The following OSGEP variants were observed in gnomAD, a reference collection of about 807,000 sequenced individuals.
OSGEP encodes O-sialoglycoprotein endopeptidase, also known as tRNA N6-adenosine threonylcarbamoyltransferase.
In OSGEP, 39 loss-of-function variants were observed where a neutral mutation model predicts 44.1. That is an observed-to-expected ratio of 0.88 (90% CI 0.69 to 1.16). The LOEUF is 1.16. Among genes scored for constraint, OSGEP ranks in the 50% most tolerant of loss-of-function variants. The pLI, the probability that OSGEP is intolerant of heterozygous loss-of-function variation, is 0.00. For missense variants in OSGEP, 403 were observed against 443.1 expected, an observed-to-expected ratio of 0.91 and a Z score of 0.81; for synonymous variants, 139 against 161.9, an observed-to-expected ratio of 0.86 and a Z score of 1.07.
chr14:20,448,025 G>C (rs757990127), intron 7 of OSGEP, 31 bp from the exon 8 acceptor site: 1 of 1,593,998 alleles, frequency 6.3e-7, no homozygotes, highest in Non-Finnish European at 8.6e-7. Flanking sequence ...GAAAATATTA[G>C]AGGGGCATCC....
In OSGEP at chr14:20,449,272, G is replaced by A. The variant is rs766276651; in HGVS notation, c.412-6C>T. The A allele has an allele frequency of 6.4e-7, 1 of 1,568,718 alleles. No homozygotes were observed. The highest frequency in any genetic ancestry group is 1.1e-5 in the South Asian group (1 of 90,142). ...TGTTCCGAGTATGCAATCACCTAAG[G>A]GTGATGAGGAAGTCCATGAAACCCC... On this transcript the variant is annotated splice_polypyrimidine_tract_variant and splice_region_variant and intron_variant, in intron 3 of 10. Transcript: ENST00000206542.
chr14:20,451,337 G>A, intron 3 of OSGEP: 1 of 290,140 alleles, frequency 3.4e-6, no homozygotes, highest in Non-Finnish European at 6.7e-6. Context: ...ACGGAGTTTT[G>A]CTCTTGTTGC....
chr14:20,448,068 C>T (rs1250928549), intron 7 of OSGEP, 38 bp downstream of exon 7: 3 of 1,596,316 alleles, frequency 1.9e-6, no homozygotes, highest in Non-Finnish European at 2.6e-6. Context: ...ATAAAACCTT[C>T]AGCCCCAACT....
At chr14:20,452,742 GCT>G (rs941374910) in intron 1 of OSGEP, among the ~76,000 whole-genome samples, 1 of 146,912 alleles carries the variant, frequency 6.8e-6, no homozygotes, top group African/African-American at 2.5e-5. Context: ...GACAGTCTCA[GCT>G]CTGTCACCCA....
At chr14:20,447,836 T>TAG in intron 8 of OSGEP, 68 bp downstream of exon 8, 1 of 1,301,616 alleles carries the variant, frequency 7.7e-7, no homozygotes, top group South Asian at 1.2e-5. Context: ...CTTAATGATT[T>TAG]AGAGTACCAG....
At chr14:20,453,794 G>A (rs1881176068) in intron 1 of OSGEP, among the ~76,000 whole-genome samples, 1 of 152,184 alleles carries the variant, frequency 6.6e-6, no homozygotes, top group Non-Finnish European at 1.5e-5. Flanking sequence ...GGCTGGGGTG[G>A]GCGGATCATC....
At position 20,452,401 on chromosome 14, in the gene OSGEP, C is replaced by G. The variant is rs1384682440; in HGVS notation, c.163G>C (p.Asp55His). ...TCTGTTAGTGCCTCCTGCAGCAGGT[C>G]TAGGATAACAGCTCGGTGATGCCTG... ...TARHHRAVIL[D>H]LLQEALTESG... The change falls in exon 2 of 11, where the codon GAC (aspartate) becomes CAC (histidine). Residue 55 changes from aspartate to histidine, a missense_variant. By Grantham distance (81) the Asp-to-His change is moderately conservative. Transcript: ENST00000206542. 4.3e-6 allele frequency: 7 copies of G among 1,613,718 alleles called. No individual in the cohort carries two copies. The Admixed American group carries it at 1.2e-4, about 27-fold the overall frequency.
chr14:20,447,954 G>A lies in OSGEP; in HGVS notation c.743C>T (p.Ala248Val), dbSNP rs748395130. The A allele has an allele frequency of 1.2e-6, 2 of 1,614,006 alleles. No individual in the cohort carries two copies. The highest frequency in any genetic ancestry group is 2.2e-5 in the South Asian group (2 of 91,076). ...FAMLVEITER[A>V]MAHCGSQEAL... ...CTCCTGGGAGCCACAATGTGCCATG[G>A]CTCGCTCTGTGATCTCTACCAGCAT... The change falls in exon 8 of 11, where the codon GCC becomes GTC. Residue 248 changes from alanine to valine, a missense_variant. Physicochemically the swap from Ala to Val is moderately conservative, Grantham distance 64 (BLOSUM62 0). Transcript: ENST00000206542.
intron 6 of OSGEP, 33 bp downstream of exon 6, chr14:20,448,700 G>A (rs1881021345): frequency 1.4e-6 from 2 of 1,465,634 alleles, no homozygotes; most frequent in Non-Finnish European, 1.9e-6. Flanking sequence ...TAAAAAGCAT[G>A]AAAGTGCCCG....
Position 20,446,970 on chromosome 14 carries a change from C to A in OSGEP, c.*270G>T. On this transcript the variant is annotated 3_prime_UTR_variant, in exon 11 of 11. Coordinates refer to ENST00000206542, the MANE Select transcript of OSGEP (RefSeq NM_017807.4). ...AAAAAAAAAAAAAAGATACCTCATT[C>A]TTGGTTCCACAGCAGCAAGCTCCAA... 1 of 405,050 alleles carries A rather than the reference C, an allele frequency of 2.5e-6. No individual in the cohort carries two copies. Among genetic ancestry groups the A allele is most frequent in the Non-Finnish European group, 4.4e-6 (1 of 227,038 alleles). 25.1% of individuals were successfully genotyped at this position (405,050 alleles called of 1,614,324 possible). A position where few individuals can be genotyped will look rare whatever the true frequency, so the allele number is the denominator to read the frequency against.
At position 20,452,004 on chromosome 14, in the gene OSGEP, G is replaced by A. The variant is rs774022048; in HGVS notation, c.381C>T (p.Thr127=). ...TATTTCCTCCACTCACATACAACAC[G>A]GTTGGGCTGGTGGCTCCAGTGATGA... ...GRLITGATSP[T]VLYVSGGNTQ... The change falls in exon 3 of 11, where the codon ACC becomes ACT. Residue 127 remains threonine, a synonymous_variant. Transcript: ENST00000206542. 7 of 1,611,930 alleles carry A rather than the reference G, an allele frequency of 4.3e-6. No individual in the cohort carries two copies. The highest frequency in any genetic ancestry group is 2.2e-5 in the East Asian group (1 of 44,850).
In OSGEP at chr14:20,454,401, C is replaced by T. The variant is rs1881201408; in HGVS notation, c.115+168G>A. ...GTAAATGAACTCATCAGATCCACGT[C>T]CAAGTGCCTGTAACTCTTCTAGTCA... On this transcript the variant is annotated intron_variant, in intron 1 of 10. Coordinates refer to ENST00000206542, the MANE Select transcript of OSGEP (RefSeq NM_017807.4). 4.3e-6 allele frequency: 3 copies of T among 701,882 alleles called. No individual in the cohort carries two copies. In the South Asian group the frequency reaches 4.8e-5, roughly 11 times the overall value. 43.5% of individuals were successfully genotyped at this position (701,882 alleles called of 1,614,324 possible).
In OSGEP at chr14:20,446,873, G is replaced by T; in HGVS notation, c.*367C>A. The T allele has an allele frequency of 3.9e-6, 1 of 254,240 alleles. No individual in the cohort carries two copies. The highest frequency in any genetic ancestry group is 7.5e-6 in the Non-Finnish European group (1 of 133,108). The allele number at this position is 254,240 out of a possible 1,614,324, so 15.7% of individuals were successfully genotyped here. On this transcript the variant is annotated 3_prime_UTR_variant, in exon 11 of 11. Coordinates refer to ENST00000206542, the MANE Select transcript of OSGEP (RefSeq NM_017807.4). ...GGCACAATGGCATCCTTACTCAGGA[G>T]GCTGAGGTGGTAAGACTGCTTGAGC...
rs2275007 is a variant in OSGEP at position 20,452,091 on chromosome 14, T to G, written c.294A>C (p.Gln98His). 2 of 1,613,500 alleles carry G rather than the reference T, an allele frequency of 1.2e-6. No individual in the cohort carries two copies. Among genetic ancestry groups the G allele is most frequent in the South Asian group, 1.1e-5 (1 of 91,030 alleles). ...SVAVVARTVA[Q>H]LWNKPLVGVN... ...CACCCACCAATGGCTTATTCCACAG[T>G]TGGGCCACAGTACGGGCCACAACAG... is the stretch of plus-strand genomic sequence containing the variant. Residue 98 changes from glutamine (Q) to histidine (H), a missense_variant, in exon 3 of 11, where the codon CAA (glutamine) becomes CAC (histidine). Physicochemically the swap from Gln to His is conservative, Grantham distance 24. Transcript: ENST00000206542.
At chr14:20,449,888 A>AAT (rs1881049456) in intron 3 of OSGEP, 1 of 154,880 alleles carries the variant, frequency 6.5e-6, no homozygotes, top group Admixed American at 6.3e-5. Context: ...CAGCCTCTCA[A>AAT]AGTGCTGGGA....
chr14:20,452,165 TG>T lies in OSGEP; in HGVS notation c.236-17del. 6.3e-7 allele frequency: 1 copy of T among 1,597,916 alleles called. No homozygotes were observed. Among genetic ancestry groups the T allele is most frequent in the Non-Finnish European group, 8.5e-7 (1 of 1,171,798 alleles). On this transcript the variant is annotated splice_polypyrimidine_tract_variant and intron_variant, in intron 2 of 10. Coordinates refer to ENST00000206542, the MANE Select transcript of OSGEP (RefSeq NM_017807.4). ...ATGCCAGGGCCTAGGGAGATAGAAA[TG>T]GAAGTTATAATCCTAGAGATTGGAA... is the stretch of plus-strand genomic sequence containing the variant.
rs768599379 is a variant in OSGEP, at chr14:20,448,178, T to TCC, written c.637-8_637-7insGG. On this transcript the variant is annotated splice_polypyrimidine_tract_variant and splice_region_variant and intron_variant, in intron 6 of 10. Coordinates refer to ENST00000206542, the MANE Select transcript of OSGEP (RefSeq NM_017807.4). Reference sequence around the variant, plus strand: ...GCATCCGATGGGCTACATCCTACAATTAAAGGGAAAAACAAAAGAATCAAC... The same window carrying TCC: ...GCATCCGATGGGCTACATCCTACAATCCTAAAGGGAAAAACAAAAGAATCAAC... 10 of 1,610,864 alleles carry TCC rather than the reference T, an allele frequency of 6.2e-6. No individual in the cohort carries two copies. The South Asian group carries it at 1.1e-4, about 18-fold the overall frequency.
At chr14:20,448,229 G>T in intron 6 of OSGEP, 58 bp from the exon 7 acceptor site, 1 of 1,418,428 alleles carries the variant, frequency 7.1e-7, no homozygotes, top group Non-Finnish European at 1.0e-6. Context: ...GATTACACGA[G>T]AGCAAAAATT....
chr14:20,453,176 G>A (rs1881148613), intron 1 of OSGEP, among the ~76,000 whole-genome samples: 3 of 152,248 alleles, frequency 2.0e-5, no homozygotes, highest in East Asian at 1.9e-4. Context: ...GTGCCCAAGT[G>A]CCCAGAGGAG....
Sources: gnomAD v4.1 joint callset for allele counts (sites outside exome capture counted in the v4.1 genomes callset) on GRCh38, gnomAD v4.1.1 for gene constraint, MANE v1.5 for transcripts, NCBI Gene and HGNC (gene_info 2026-07-23, HGNC 2026-07-21) for gene names.